Variants in NBAS observed in about 807,000 individuals in gnomAD.
The protein encoded by NBAS is NAG/BC035112 fusion.
NBAS carries 219 observed loss-of-function variants against 302.5 expected under a neutral mutation model. The observed-to-expected ratio is 0.72, with a 90% confidence interval of 0.65 to 0.81. The LOEUF is 0.81. NBAS is among the 30% of genes least tolerant of loss of function. NBAS has a pLI of 0.00. For synonymous variants in NBAS, 1,118 were observed against 1,021.6 expected (o/e 1.09, Z -1.80); for missense variants, 2,932 against 2,841.6 (o/e 1.03, Z -0.72).
At chr2:15,045,931 C>T in the NBAS span, among the ~76,000 whole-genome samples, 3 of 152,068 alleles carry the variant, frequency 2.0e-5, no homozygotes, top group Admixed American at 1.3e-4. Context: ...GAGTGTGTAC[C>T]CCCTAATTTC....
At chr2:15,392,477 A>C (rs1294863710) in intron 28 of NBAS, among the ~76,000 whole-genome samples, 2 of 152,034 alleles carry the variant, frequency 1.3e-5, no homozygotes, top group Admixed American at 6.5e-5. Flanking sequence ...TCTACGCATT[A>C]GGAAGGAACA....
At chr2:15,297,768 T>G (rs1670616813) in intron 40 of NBAS, among the ~76,000 whole-genome samples, 1 of 152,196 alleles carries the variant, frequency 6.6e-6, no homozygotes, top group South Asian at 2.1e-4. Context: ...ATGACAGATT[T>G]TCAATGATAG....
rs559004060 is a variant in NBAS at position 15,429,253 on chromosome 2, G to A, written c.2340-1459C>T. On this transcript the variant is annotated intron_variant, in intron 21 of 51. Coordinates refer to ENST00000281513, the MANE Select transcript of NBAS (RefSeq NM_015909.4). ...TTAGCTTTAACATCCATGAATCCATGAAAACAACTAAATCATTCTGAATTA... is the reference window on the plus strand; with the variant it reads ...TTAGCTTTAACATCCATGAATCCATAAAAACAACTAAATCATTCTGAATTA... 7.9e-4 allele frequency among the ~76,000 whole-genome samples: 120 copies of A among 152,156 alleles called. 1 individual carries two copies. The highest frequency in any genetic ancestry group is 6.8e-3 in the Middle Eastern group (2 of 292).
chr2:15,434,129 ATAAAT>A (rs1677895148), intron 21 of NBAS, among the ~76,000 whole-genome samples: 1 of 152,156 alleles, frequency 6.6e-6, no homozygotes, highest in Admixed American at 6.5e-5. Context: ...TCTCAAAAAA[ATAAAT>A]TAAATTAATT....
the NBAS span, among the ~76,000 whole-genome samples, chr2:14,941,789 G>A: frequency 2.0e-5 from 3 of 152,218 alleles, no homozygotes; most frequent in African/African-American, 4.8e-5. Context: ...TCAGACTGCG[G>A]ATTTAGCATC....
chr2:15,049,719 C>T, the NBAS span, among the ~76,000 whole-genome samples: 2 of 152,212 alleles, frequency 1.3e-5, no homozygotes, highest in Non-Finnish European at 2.9e-5. Context: ...TGCTGTCAGA[C>T]GATGGAGACA....
chr2:15,550,776 G>A (rs189475835), intron 6 of NBAS, among the ~76,000 whole-genome samples: 165 of 151,896 alleles, frequency 1.1e-3, no homozygotes, highest in African/African-American at 3.9e-3. Context: ...TAGTAGAGAC[G>A]GGGTTTCACC....
chr2:15,115,477 C>G, the NBAS span, among the ~76,000 whole-genome samples: 1 of 152,112 alleles, frequency 6.6e-6, no homozygotes, highest in Non-Finnish European at 1.5e-5. Flanking sequence ...ATCAGGCATA[C>G]AGTAGATATG....
At chr2:15,455,795 T>G (rs10205813) in intron 21 of NBAS, among the ~76,000 whole-genome samples, 2,473 of 109,264 alleles carry the variant, frequency 0.023, 22 homozygotes, top group Admixed American at 0.028. Flanking sequence ...GCTACACTAT[T>G]TCAACAGACA....
At chr2:14,908,130 GAGGCAGGCGGATC>G in the NBAS span, among the ~76,000 whole-genome samples, 1 of 152,188 alleles carries the variant, frequency 6.6e-6, no homozygotes, top group Non-Finnish European at 1.5e-5. Flanking sequence ...TTGGGAGGCC[GAGGCAGGCGGATC>G]ACAAGGTCAG....
At chr2:14,911,972 T>C in the NBAS span, among the ~76,000 whole-genome samples, 1 of 152,226 alleles carries the variant, frequency 6.6e-6, no homozygotes, top group Admixed American at 6.5e-5. Flanking sequence ...TTCATTGTTA[T>C]GTGAATATTA....
At chr2:15,220,037 C>A (rs1215634758) in intron 47 of NBAS, among the ~76,000 whole-genome samples, 4 of 144,452 alleles carry the variant, frequency 2.8e-5, no homozygotes, top group Admixed American at 6.9e-5. Context: ...GGGGCTGATC[C>A]CCCCACCTCC....
chr2:15,331,803 G>C (rs2148237815), intron 35 of NBAS, among the ~76,000 whole-genome samples: 1 of 152,274 alleles, frequency 6.6e-6, no homozygotes, highest in Non-Finnish European at 1.5e-5. Context: ...CTAATCCCTA[G>C]AACCTGTGAC....
chr2:15,442,653 A>G (rs887565556), intron 21 of NBAS, among the ~76,000 whole-genome samples: 2 of 151,794 alleles, frequency 1.3e-5, no homozygotes, highest in South Asian at 2.1e-4. Context: ...AACTAAAATC[A>G]GAGCAGAACT....
the NBAS span, among the ~76,000 whole-genome samples, chr2:14,783,195 T>G: frequency 6.6e-6 from 1 of 152,166 alleles, no homozygotes; most frequent in Non-Finnish European, 1.5e-5. Flanking sequence ...GCAAATTGAC[T>G]ATGAATGAAT....
At chr2:14,981,742 G>A in the NBAS span, among the ~76,000 whole-genome samples, 2 of 152,196 alleles carry the variant, frequency 1.3e-5, no homozygotes, top group Non-Finnish European at 2.9e-5. Context: ...CCGGCTAAAA[G>A]CAGAGAACTC....
the NBAS span, among the ~76,000 whole-genome samples, chr2:15,140,201 G>A: frequency 4.6e-5 from 7 of 152,308 alleles, no homozygotes; most frequent in Non-Finnish European, 7.3e-5. Flanking sequence ...CGCCTCAACC[G>A]TGAGACAAGT....
Position 15,461,212 on chromosome 2 carries a change from C to T in NBAS, c.2328G>A (p.Leu776=). 1 of 1,613,568 alleles carries T rather than the reference C, an allele frequency of 6.2e-7. No individual in the cohort carries two copies. The highest frequency in any genetic ancestry group is 8.5e-7 in the Non-Finnish European group (1 of 1,179,746). ...ACATAGTCACATACCAAGCTTCGGG[C>T]AGCAAAACAGAATATTCATGTGGAG... ...TTSPHEYSVL[L]PEACFNGDSL... is the part of the protein sequence containing the mutation. Residue 776 remains leucine (L), a synonymous_variant, in exon 21 of 52, where the codon CTG becomes CTA. Transcript: ENST00000281513.
the NBAS span, among the ~76,000 whole-genome samples, chr2:15,031,718 A>G: frequency 6.6e-6 from 1 of 152,238 alleles, no homozygotes; most frequent in Non-Finnish European, 1.5e-5. Flanking sequence ...TGAAATTTGA[A>G]AGGCCTGTGG....
Sources: gnomAD v4.1 joint callset for allele counts (sites outside exome capture counted in the v4.1 genomes callset) on GRCh38, gnomAD v4.1.1 for gene constraint, MANE v1.5 for transcripts, NCBI Gene and HGNC (gene_info 2026-07-23, HGNC 2026-07-21) for gene names.